PVT1: variants seen among roughly 807,000 people sequenced by gnomAD.
PVT1 encodes the protein Pvt1 oncogene.
chr8:128,011,973 C>T (rs1211375099), intron 4 of PVT1, among the ~76,000 whole-genome samples: 1 of 152,210 alleles, frequency 6.6e-6, no homozygotes, highest in Non-Finnish European at 1.5e-5. Context: ...CCAAGCATTG[C>T]ACTGTGATGC....
intron 5 of PVT1, among the ~76,000 whole-genome samples, chr8:128,091,061 G>C (rs566595664): frequency 1.3e-5 from 2 of 152,282 alleles, no homozygotes; most frequent in South Asian, 4.1e-4. Flanking sequence ...AAGGGAGAAT[G>C]TATCTAAAGC....
At chr8:127,902,264 T>C (rs569157500) in intron 3 of PVT1, among the ~76,000 whole-genome samples, 1 of 152,252 alleles carries the variant, frequency 6.6e-6, no homozygotes, top group African/African-American at 2.4e-5. Flanking sequence ...TCACCCTACC[T>C]GTGAATTGAA....
chr8:127,924,461 G>C (rs1258397762), intron 3 of PVT1, among the ~76,000 whole-genome samples: 1 of 149,824 alleles, frequency 6.7e-6, no homozygotes, highest in Non-Finnish European at 1.5e-5. Flanking sequence ...AGCCTCCCGA[G>C]TAGCTGAGAC....
At chr8:127,972,326 T>G (rs1586461795) in intron 3 of PVT1, among the ~76,000 whole-genome samples, 1 of 152,064 alleles carries the variant, frequency 6.6e-6, no homozygotes, top group Non-Finnish European at 1.5e-5. Flanking sequence ...AGGCAGGGAG[T>G]TGGGGAGCCC....
chr8:127,858,407 A>AAAATAAATAAAT (rs374974740), intron 2 of PVT1, among the ~76,000 whole-genome samples: 182 of 141,864 alleles, frequency 1.3e-3, no homozygotes, highest in East Asian at 2.7e-3. Context: ...ACTCTGTCTC[A>AAAATAAATAAAT]AAATAAATAA....
At chr8:128,087,326 A>T (rs1814271086) in intron 5 of PVT1, among the ~76,000 whole-genome samples, 1 of 152,168 alleles carries the variant, frequency 6.6e-6, no homozygotes, top group Non-Finnish European at 1.5e-5. Flanking sequence ...GTCTCTTTAG[A>T]TGTCTTTTAA....
chr8:127,873,460 T>G (rs1036359396), intron 2 of PVT1, among the ~76,000 whole-genome samples: 1 of 152,188 alleles, frequency 6.6e-6, no homozygotes, highest in Non-Finnish European at 1.5e-5. Context: ...CATGGCTAGC[T>G]TTCACTTTCA....
At chr8:128,046,511 G>T (rs1393177596) in intron 4 of PVT1, among the ~76,000 whole-genome samples, 1 of 152,206 alleles carries the variant, frequency 6.6e-6, no homozygotes, top group Non-Finnish European at 1.5e-5. Context: ...CCACATGGCC[G>T]AGAGTCTTCT....
At chr8:127,997,497 T>C (rs1817120522) in intron 4 of PVT1, among the ~76,000 whole-genome samples, 1 of 152,186 alleles carries the variant, frequency 6.6e-6, no homozygotes, top group Admixed American at 6.5e-5. Context: ...CAGGGTAAGA[T>C]AGTCACCGTG....
chr8:127,903,955 T>C (rs528689066), intron 3 of PVT1, among the ~76,000 whole-genome samples: 17 of 152,256 alleles, frequency 1.1e-4, no homozygotes, highest in Non-Finnish European at 2.2e-4. Context: ...TTTCTACTTC[T>C]GTGAAAAATG....
chr8:127,862,188 A>T (rs1036412894), intron 2 of PVT1, among the ~76,000 whole-genome samples: 3 of 152,156 alleles, frequency 2.0e-5, no homozygotes, highest in African/African-American at 7.2e-5. Context: ...TGGGTGGATC[A>T]CTTGAGGTCA....
chr8:128,084,530 T>C (rs1434777192), intron 5 of PVT1, among the ~76,000 whole-genome samples: 2 of 152,204 alleles, frequency 1.3e-5, no homozygotes, highest in African/African-American at 2.4e-5. Context: ...TGGTTATTTT[T>C]TGCATCCTCC....
chr8:127,930,456 G>T (rs529436731), intron 3 of PVT1, among the ~76,000 whole-genome samples: 76 of 152,260 alleles, frequency 5.0e-4, no homozygotes, highest in South Asian at 4.1e-4. Context: ...ATCATGCCTG[G>T]CAGTAATCTT....
intron 3 of PVT1, among the ~76,000 whole-genome samples, chr8:127,963,499 T>C (rs1816669710): frequency 6.6e-6 from 1 of 152,184 alleles, no homozygotes; most frequent in African/African-American, 2.4e-5. Flanking sequence ...AAAAGTTCCC[T>C]GAACTACTAA....
chr8:127,815,256 C>T (rs889044143), intron 2 of PVT1, among the ~76,000 whole-genome samples: 6 of 152,228 alleles, frequency 3.9e-5, no homozygotes, highest in Admixed American at 2.0e-4. Flanking sequence ...CATGAGCCAC[C>T]GTGCCCCACC....
chr8:127,880,646 G>A (rs1022652521), intron 2 of PVT1, among the ~76,000 whole-genome samples: 1 of 145,886 alleles, frequency 6.9e-6, no homozygotes, highest in Non-Finnish European at 1.5e-5. Flanking sequence ...TGTCTCCCAG[G>A]CTGGAGTGCA....
chr8:127,796,099 C>A (rs1344872300), intron 2 of PVT1: 1 of 170,172 alleles, frequency 5.9e-6, no homozygotes, highest in Non-Finnish European at 1.5e-5. Context: ...ATGCTGTACC[C>A]ATTGAATTCC....
intron 4 of PVT1, among the ~76,000 whole-genome samples, chr8:128,010,009 T>C (rs1487797003): frequency 1.3e-5 from 2 of 152,140 alleles, no homozygotes; most frequent in Admixed American, 6.5e-5. Context: ...AGAGTTAGAA[T>C]AGATTGACAA....
At chr8:128,012,761 C>T (rs1385333466) in intron 4 of PVT1, among the ~76,000 whole-genome samples, 1 of 152,130 alleles carries the variant, frequency 6.6e-6, no homozygotes, top group East Asian at 1.9e-4. Context: ...ACAAGTCACT[C>T]TAGGAGTTCC....
Sources: allele counts gnomAD v4.1 joint callset (sites outside exome capture counted in the v4.1 genomes callset), GRCh38; gene constraint gnomAD v4.1.1; transcripts MANE v1.5; gene names NCBI Gene and HGNC (gene_info 2026-07-23, HGNC 2026-07-21).